The following DAB1 variants were observed in gnomAD, a reference collection of about 807,000 sequenced individuals.
DAB1 encodes disabled homolog 1.
In DAB1, 15 loss-of-function variants were observed where a neutral mutation model predicts 64.6. That is an observed-to-expected ratio of 0.23 (90% CI 0.16 to 0.36). The LOEUF (loss-of-function observed/expected upper bound fraction) is 0.36. Ranked by LOEUF, DAB1 falls within the 10% of genes least tolerant of loss-of-function variation. The pLI is 1.00. For missense variants in DAB1, 596 were observed against 706.7 expected (o/e 0.84, Z 1.78); for synonymous variants, 235 against 251.9 (o/e 0.93, Z 0.64).
intron 5 of DAB1, among the ~76,000 whole-genome samples, chr1:57,916,930 C>T (rs1346818533): frequency 1.4e-5 from 2 of 147,912 alleles, no homozygotes; most frequent in African/African-American, 2.5e-5. Flanking sequence ...GTGTCAAGAG[C>T]GAAACTCTGT....
intron 5 of DAB1, among the ~76,000 whole-genome samples, chr1:57,978,428 A>G (rs1029702672): frequency 1.3e-5 from 2 of 152,224 alleles, no homozygotes; most frequent in Non-Finnish European, 2.9e-5. Flanking sequence ...AGATGGATCA[A>G]AGACTCAAAC....
At chr1:57,480,009 G>A (rs984439070) in intron 7 of DAB1, among the ~76,000 whole-genome samples, 14 of 151,562 alleles carry the variant, frequency 9.2e-5, no homozygotes, top group African/African-American at 2.9e-4. Flanking sequence ...AAAATTAGCC[G>A]GGCATGGTGG....
At chr1:57,716,053 GC>G (rs1270123255) in intron 6 of DAB1, among the ~76,000 whole-genome samples, 1 of 152,102 alleles carries the variant, frequency 6.6e-6, no homozygotes, top group Non-Finnish European at 1.5e-5. Context: ...GGGATTACAG[GC>G]ACCTGCCACC....
intron 7 of DAB1, among the ~76,000 whole-genome samples, chr1:57,553,027 C>T (rs997754821): frequency 3.3e-5 from 5 of 151,876 alleles, no homozygotes; most frequent in Non-Finnish European, 7.4e-5. Context: ...TGGGTATGTA[C>T]GTGGCTCCTG....
chr1:57,202,262 C>CA lies in DAB1; in HGVS notation c.68-56834dup, dbSNP rs1208584776. Among the ~76,000 whole-genome samples, 18 of 152,138 alleles carry CA rather than the reference C, an allele frequency of 1.2e-4. No homozygotes were observed. In the East Asian group the frequency reaches 2.7e-3, roughly 23 times the overall value. On this transcript the variant is annotated intron_variant, in intron 2 of 14. Transcript: ENST00000371236. ...CTTATAGGGACTGTGCTTGCAGGTG[C>CA]AAAAAAATACATTTTGCATACATAA...
intron 3 of DAB1, among the ~76,000 whole-genome samples, chr1:58,405,477 C>T (rs1223194603): frequency 6.6e-6 from 1 of 152,018 alleles, no homozygotes; most frequent in Non-Finnish European, 1.5e-5. Flanking sequence ...GTGATCCTCC[C>T]ATCTCAGCCT....
chr1:58,354,294 G>GGACA (rs1370534580), intron 3 of DAB1, among the ~76,000 whole-genome samples: 1 of 152,048 alleles, frequency 6.6e-6, no homozygotes, highest in Non-Finnish European at 1.5e-5. Context: ...ATGACACTTG[G>GGACA]GACACATCAA....
At chr1:57,612,082 T>C (rs2101603224) in intron 7 of DAB1, among the ~76,000 whole-genome samples, 1 of 152,168 alleles carries the variant, frequency 6.6e-6, no homozygotes, top group South Asian at 2.1e-4. Context: ...ATTCCCTCAC[T>C]CATTCAGCTA....
chr1:57,095,809 A>G (rs1654109274), intron 4 of DAB1, among the ~76,000 whole-genome samples: 1 of 152,218 alleles, frequency 6.6e-6, no homozygotes, highest in Non-Finnish European at 1.5e-5. Context: ...CTCAAATGTC[A>G]GGATGAGAAT....
At chr1:58,326,562 G>A (rs1484324076) in intron 4 of DAB1, among the ~76,000 whole-genome samples, 1 of 152,200 alleles carries the variant, frequency 6.6e-6, no homozygotes, top group Non-Finnish European at 1.5e-5. Context: ...TTCAGCAAAT[G>A]CTTCTTAGTC....
intron 4 of DAB1, among the ~76,000 whole-genome samples, chr1:57,090,942 C>T (rs924483751): frequency 3.3e-5 from 5 of 152,100 alleles, no homozygotes; most frequent in Admixed American, 1.3e-4. Context: ...CAGAGATCTA[C>T]GTTGCACACT....
At chr1:58,064,705 TTATG>T (rs1294551460) in intron 5 of DAB1, among the ~76,000 whole-genome samples, 1,265 of 113,744 alleles carry the variant, frequency 0.011, 14 homozygotes, top group African/African-American at 0.039. Flanking sequence ...ATGTATTTAT[TTATG>T]TATTTATGTA....
intron 5 of DAB1, among the ~76,000 whole-genome samples, chr1:58,113,698 T>C (rs141335237): frequency 1.0e-3 from 156 of 152,190 alleles, no homozygotes; most frequent in African/African-American, 3.7e-3. Context: ...GGAGCTCAAA[T>C]AGGGGCAGAT....
At chr1:57,935,726 AAACAAC>A (rs142373036) in intron 5 of DAB1, among the ~76,000 whole-genome samples, 8 of 151,972 alleles carry the variant, frequency 5.3e-5, no homozygotes, top group Middle Eastern at 3.4e-3. Context: ...AAATAAAAAC[AAACAAC>A]AACAACAACA....
At chr1:58,209,646 C>T (rs949353590) in intron 4 of DAB1, among the ~76,000 whole-genome samples, 3 of 152,100 alleles carry the variant, frequency 2.0e-5, no homozygotes, top group Non-Finnish European at 4.4e-5. Flanking sequence ...AAATGGAAGA[C>T]GTAAGCAAAT....
chr1:57,252,932 T>G (rs923535812), intron 2 of DAB1, among the ~76,000 whole-genome samples: 2 of 152,158 alleles, frequency 1.3e-5, no homozygotes, highest in Admixed American at 6.5e-5. Flanking sequence ...AAGGCCCAGA[T>G]AGATGAATGG....
chr1:57,273,518 C>CCTGA (rs200294035), intron 2 of DAB1, among the ~76,000 whole-genome samples: 1 of 114,002 alleles, frequency 8.8e-6, no homozygotes, highest in Non-Finnish European at 1.8e-5. Context: ...ATCCACCAAG[C>CCTGA]CTGACTGCCT....
intron 7 of DAB1, among the ~76,000 whole-genome samples, chr1:57,518,825 T>C (rs1224552810): frequency 2.0e-5 from 3 of 152,220 alleles, no homozygotes; most frequent in Non-Finnish European, 4.4e-5. Context: ...GCCTGCTCTT[T>C]CCAGAAAGGC....
chr1:58,432,517 G>A (rs770931773), intron 3 of DAB1, among the ~76,000 whole-genome samples: 44 of 152,138 alleles, frequency 2.9e-4, no homozygotes, highest in Non-Finnish European at 3.8e-4. Flanking sequence ...TCTTCCACCA[G>A]GCCTACCCGC....
Sources: gnomAD v4.1 joint callset for allele counts (sites outside exome capture counted in the v4.1 genomes callset) on GRCh38, gnomAD v4.1.1 for gene constraint, MANE v1.5 for transcripts, NCBI Gene and HGNC (gene_info 2026-07-23, HGNC 2026-07-21) for gene names.